LNPK: variants seen among roughly 807,000 people sequenced by gnomAD.
LNPK encodes the protein endoplasmic reticulum junction formation protein lunapark.
Under a neutral mutation model 55.2 loss-of-function variants are expected in LNPK, and 29 were observed. That is an observed-to-expected ratio of 0.53 (90% CI 0.39 to 0.72). The LOEUF (loss-of-function observed/expected upper bound fraction) is 0.72. Among genes scored for constraint, LNPK ranks in the 30% least tolerant of loss-of-function variants. The pLI, the probability that LNPK is intolerant of heterozygous loss-of-function variation, is 0.00. For missense variants in LNPK, 467 were observed against 494.8 expected (o/e 0.94, Z 0.53); for synonymous variants, 162 against 168.2 (o/e 0.96, Z 0.29).
intron 4 of LNPK, among the ~76,000 whole-genome samples, chr2:175,985,336 C>T (rs1687354476): frequency 6.6e-6 from 1 of 152,216 alleles, no homozygotes; most frequent in African/African-American, 2.4e-5. Flanking sequence ...ATAAAACCCA[C>T]TCAAAGGAAT....
chr2:175,985,963 G>A (rs1477068785), intron 4 of LNPK, among the ~76,000 whole-genome samples: 4 of 152,238 alleles, frequency 2.6e-5, no homozygotes, highest in South Asian at 4.1e-4. Context: ...CAACCTGCCT[G>A]TACATTTTTT....
chr2:175,954,773 A>G (rs1685609437), intron 8 of LNPK, among the ~76,000 whole-genome samples: 1 of 152,230 alleles, frequency 6.6e-6, no homozygotes, highest in African/African-American at 2.4e-5. Flanking sequence ...AGCAATGCCA[A>G]AATAAATGTT....
chr2:175,970,746 A>C lies in LNPK; in HGVS notation c.357+18T>G, dbSNP rs773006412. On this transcript the variant is annotated intron_variant, in intron 6 of 12. Transcript: ENST00000272748. ...TATTAGTTTAATATAAATTAATTTT[A>C]AATAAAAGTTAACTTACTATTTTTT... 8.1e-7 allele frequency: 1 copy of C among 1,236,790 alleles called. No individual in the cohort carries two copies. Among genetic ancestry groups the C allele is most frequent in the Non-Finnish European group, 1.1e-6 (1 of 923,628 alleles). 76.6% of individuals were successfully genotyped at this position (1,236,790 alleles called of 1,614,324 possible).
chr2:175,959,611 C>G (rs1372879960), intron 8 of LNPK, among the ~76,000 whole-genome samples: 1 of 152,130 alleles, frequency 6.6e-6, no homozygotes, highest in Non-Finnish European at 1.5e-5. Context: ...AAAAACATGC[C>G]AAATTGTAAA....
At chr2:175,960,079 A>C (rs1685931184) in intron 8 of LNPK, among the ~76,000 whole-genome samples, 1 of 152,190 alleles carries the variant, frequency 6.6e-6, no homozygotes, top group Non-Finnish European at 1.5e-5. Flanking sequence ...TTAGCAACCT[A>C]CAAAGAGACT....
At chr2:175,968,659 T>C (rs373929982) in intron 6 of LNPK, among the ~76,000 whole-genome samples, 5 of 152,192 alleles carry the variant, frequency 3.3e-5, no homozygotes, top group Non-Finnish European at 5.9e-5. Context: ...TCTTAAAATA[T>C]TGTTAAGATG....
At chr2:175,994,291 A>G in intron 2 of LNPK, 1 of 981,906 alleles carries the variant, frequency 1.0e-6, no homozygotes, top group African/African-American at 1.7e-5. Flanking sequence ...CTATTATGAA[A>G]GACAAAACAA....
intron 9 of LNPK, chr2:175,940,960 A>G: frequency 2.2e-6 from 1 of 454,560 alleles, no homozygotes. Flanking sequence ...AACCATACAA[A>G]ATGACAACCA....
At chr2:175,952,265 TG>T (rs969510868) in intron 8 of LNPK, among the ~76,000 whole-genome samples, 1 of 151,788 alleles carries the variant, frequency 6.6e-6, no homozygotes. Flanking sequence ...ATTTTAGTAA[TG>T]GGGGTGGGGG....
rs561396837 is a variant in LNPK, at chr2:175,957,377, A to G, written c.493+6995T>C. On this transcript the variant is annotated intron_variant, in intron 8 of 12. Coordinates refer to ENST00000272748, the MANE Select transcript of LNPK (RefSeq NM_030650.3). ...CATCTCAAAAAAAGAAAACATCTCA[A>G]AAAAAGAACCCAGCCACCTACCTAT... Among the ~76,000 whole-genome samples, 152 of 151,758 alleles carry G rather than the reference A, an allele frequency of 1.0e-3. 1 individual carries two copies. The highest frequency in any genetic ancestry group is 1.6e-3 in the Admixed American group (24 of 15,208).
chr2:175,963,232 G>A (rs556210382), intron 8 of LNPK, among the ~76,000 whole-genome samples: 1 of 151,964 alleles, frequency 6.6e-6, no homozygotes, highest in African/African-American at 2.4e-5. Flanking sequence ...TATAAATCAT[G>A]CTGCTATAAA....
At chr2:175,943,269 C>T (rs1160084283) in intron 9 of LNPK, among the ~76,000 whole-genome samples, 2 of 148,646 alleles carry the variant, frequency 1.3e-5, no homozygotes, top group African/African-American at 4.9e-5. Flanking sequence ...TAACCAGGCC[C>T]AGATGCTTCA....
At chr2:175,984,201 G>A (rs1687305131) in intron 4 of LNPK, among the ~76,000 whole-genome samples, 1 of 151,248 alleles carries the variant, frequency 6.6e-6, no homozygotes, top group Non-Finnish European at 1.5e-5. Context: ...TTTTGAGACG[G>A]AGTCTAGCTC....
In LNPK at chr2:175,929,304, G is replaced by A; in HGVS notation, c.*663C>T. On this transcript the variant is annotated 3_prime_UTR_variant, in exon 13 of 13. Transcript: ENST00000272748. ...ATATACATAATGTGCCTTTGGCCCA[G>A]TTGTAAAATAAAAGACATCAAAAAG... 1 of 983,202 alleles carries A rather than the reference G, an allele frequency of 1.0e-6. No homozygotes were observed. The highest frequency in any genetic ancestry group is 1.2e-6 in the Non-Finnish European group (1 of 827,568). 60.9% of individuals were successfully genotyped at this position (983,202 alleles called of 1,614,324 possible).
At chr2:175,944,533 A>G (rs1685026346) in intron 9 of LNPK, among the ~76,000 whole-genome samples, 1 of 152,202 alleles carries the variant, frequency 6.6e-6, no homozygotes, top group East Asian at 1.9e-4. Context: ...CTGAGAAGAC[A>G]GTGACAGAAT....
chr2:175,943,649 A>T (rs1392651918), intron 9 of LNPK, among the ~76,000 whole-genome samples: 2 of 152,110 alleles, frequency 1.3e-5, no homozygotes, highest in Non-Finnish European at 2.9e-5. Context: ...AACAGGCATT[A>T]AAACAAAGAA....
rs191151211 is a variant in LNPK at position 175,958,854 on chromosome 2, A to G, written c.493+5518T>C. 6.2e-4 allele frequency among the ~76,000 whole-genome samples: 94 copies of G among 152,298 alleles called. 1 individual carries two copies. The highest frequency in any genetic ancestry group is 2.6e-3 in the Admixed American group (39 of 15,294). Reference sequence around the variant, plus strand: ...GATTAGACAAATGGCTAACTAGAATAAACAGCATAGAGAAGACCTTAAATG... The same window carrying G: ...GATTAGACAAATGGCTAACTAGAATGAACAGCATAGAGAAGACCTTAAATG... On this transcript the variant is annotated intron_variant, in intron 8 of 12. Coordinates refer to ENST00000272748, the MANE Select transcript of LNPK (RefSeq NM_030650.3).
At chr2:175,999,605 TA>T (rs1228585482) in intron 1 of LNPK, among the ~76,000 whole-genome samples, 1 of 152,232 alleles carries the variant, frequency 6.6e-6, no homozygotes, top group Non-Finnish European at 1.5e-5. Context: ...TTCTGAGGCA[TA>T]AATCAATTTG....
intron 8 of LNPK, among the ~76,000 whole-genome samples, chr2:175,956,757 G>A (rs759963074): frequency 2.0e-5 from 3 of 151,856 alleles, no homozygotes; most frequent in African/African-American, 7.3e-5. Flanking sequence ...CCTCATAATC[G>A]TCTTAAATTC....
Sources: allele counts gnomAD v4.1 joint callset (sites outside exome capture counted in the v4.1 genomes callset), GRCh38; gene constraint gnomAD v4.1.1; transcripts MANE v1.5; gene names NCBI Gene and HGNC (gene_info 2026-07-23, HGNC 2026-07-21).